The following PCDHA6 variants were observed in gnomAD, a reference collection of about 807,000 sequenced individuals.
PCDHA6 encodes protocadherin alpha-6.
In PCDHA6, 55 loss-of-function variants were observed where a neutral mutation model predicts 60.3. The observed-to-expected ratio is 0.91, with a 90% CI of 0.73 to 1.14. The LOEUF is 1.14. Among genes scored for constraint, PCDHA6 ranks in the 50% most tolerant of loss-of-function variants. The pLI is 0.00. For synonymous variants in PCDHA6, 652 were observed against 557.9 expected (o/e 1.17, Z -2.38); for missense variants, 1,327 against 1,256.5 (o/e 1.06, Z -0.85).
chr5:140,835,513 G>T (rs1773701294), intron 1 of PCDHA6: 1 of 1,613,936 alleles, frequency 6.2e-7, no homozygotes, highest in Non-Finnish European at 8.5e-7. Flanking sequence ...GTGTTTGACC[G>T]AGATTTTGGA....
At chr5:140,843,379 T>G in intron 1 of PCDHA6, 1 of 1,595,912 alleles carries the variant, frequency 6.3e-7, no homozygotes, top group Non-Finnish European at 8.6e-7. Flanking sequence ...CGGCTGGCGT[T>G]TTGGGTCCGG....
chr5:140,970,270 T>C (rs2096394574), intron 1 of PCDHA6, among the ~76,000 whole-genome samples: 1 of 152,234 alleles, frequency 6.6e-6, no homozygotes, highest in Non-Finnish European at 1.5e-5. Context: ...TTTGATGAGA[T>C]GTAAAGTAGC....
intron 1 of PCDHA6, among the ~76,000 whole-genome samples, chr5:140,910,512 G>A (rs2075055738): frequency 6.6e-6 from 1 of 152,144 alleles, no homozygotes; most frequent in Admixed American, 6.5e-5. Flanking sequence ...GCTCTTCAAG[G>A]ATGCAGGTAC....
At chr5:140,967,056 G>C in intron 1 of PCDHA6, 1 of 1,612,712 alleles carries the variant, frequency 6.2e-7, no homozygotes, top group Non-Finnish European at 8.5e-7. Flanking sequence ...CTGACGAGTG[G>C]AGCGCTCTTC....
chr5:140,835,745 G>C (rs2150243893), intron 1 of PCDHA6: 2 of 1,613,472 alleles, frequency 1.2e-6, no homozygotes, highest in South Asian at 2.2e-5. Context: ...ACGCCCCGGC[G>C]TTCGCGCAGC....
At chr5:140,928,008 T>C in intron 1 of PCDHA6, 1 of 1,614,158 alleles carries the variant, frequency 6.2e-7, no homozygotes, top group Non-Finnish European at 8.5e-7. Context: ...TCGATTCTAA[T>C]GGTAGGGTCA....
intron 1 of PCDHA6, among the ~76,000 whole-genome samples, chr5:140,978,737 G>A (rs2096820627): frequency 6.6e-6 from 1 of 152,180 alleles, no homozygotes; most frequent in Admixed American, 6.5e-5. Context: ...GGTCTTCCAG[G>A]GTATCTAATC....
chr5:140,931,259 CTATT>C (rs1407255574), intron 1 of PCDHA6, among the ~76,000 whole-genome samples: 2 of 152,080 alleles, frequency 1.3e-5, no homozygotes, highest in African/African-American at 4.8e-5. Flanking sequence ...AGAAATTTCA[CTATT>C]TATTTCTTTT....
intron 3 of PCDHA6, among the ~76,000 whole-genome samples, chr5:140,991,152 C>T (rs533894396): frequency 4.1e-4 from 63 of 152,168 alleles, no homozygotes; most frequent in South Asian, 1.0e-3. Flanking sequence ...TTTTGCTCAC[C>T]ATTGTATTCC....
intron 3 of PCDHA6, among the ~76,000 whole-genome samples, chr5:140,989,275 G>A (rs2097335515): frequency 6.6e-6 from 1 of 152,096 alleles, no homozygotes; most frequent in African/African-American, 2.4e-5. Context: ...TTTCTGCTGG[G>A]GACATCTCAG....
chr5:140,950,914 T>G (rs1198787949), intron 1 of PCDHA6, among the ~76,000 whole-genome samples: 1 of 152,044 alleles, frequency 6.6e-6, no homozygotes, highest in Non-Finnish European at 1.5e-5. Context: ...TTTATTTTAT[T>G]TCAGTTCTTT....
At chr5:140,957,548 T>C (rs1554223015) in intron 1 of PCDHA6, among the ~76,000 whole-genome samples, 1 of 152,154 alleles carries the variant, frequency 6.6e-6, no homozygotes, top group Non-Finnish European at 1.5e-5. Flanking sequence ...GAAAGTATTC[T>C]CTGTGGAAAA....
chr5:140,952,734 C>T (rs143946641), intron 1 of PCDHA6, among the ~76,000 whole-genome samples: 1 of 152,272 alleles, frequency 6.6e-6, no homozygotes, highest in East Asian at 1.9e-4. Flanking sequence ...CTAGTCTTTT[C>T]TCACACTGCT....
At position 140,901,836 on chromosome 5, in the gene PCDHA6, G is replaced by A. The variant is rs183480993; in HGVS notation, c.2394+71351G>A. On this transcript the variant is annotated intron_variant, in intron 1 of 3. Coordinates refer to ENST00000529310, the MANE Select transcript of PCDHA6 (RefSeq NM_018909.4). The stretch of plus-strand genomic sequence containing the variant: ...ATTGATTCTTCCAGTCCATAAACAT[G>A]CAATATCTTTCCATTTTTTTGTGTC... 2.6e-3 allele frequency among the ~76,000 whole-genome samples: 395 copies of A among 152,228 alleles called. 2 individuals carry two copies. The highest frequency in any genetic ancestry group is 9.2e-3 in the African/African-American group (384 of 41,554).
intron 1 of PCDHA6, among the ~76,000 whole-genome samples, chr5:140,916,511 C>G (rs2077595595): frequency 6.6e-6 from 1 of 152,132 alleles, no homozygotes; most frequent in African/African-American, 2.4e-5. Flanking sequence ...ATTAATCTTG[C>G]CAAGACTGGG....
intron 1 of PCDHA6, among the ~76,000 whole-genome samples, chr5:140,920,380 T>C (rs1386655132): frequency 2.0e-5 from 3 of 152,246 alleles, no homozygotes; most frequent in Non-Finnish European, 4.4e-5. Flanking sequence ...TGTGGATTCA[T>C]ATTACCATCT....
chr5:140,886,931 G>C (rs1426144437), intron 1 of PCDHA6, among the ~76,000 whole-genome samples: 1 of 151,756 alleles, frequency 6.6e-6, no homozygotes, highest in South Asian at 2.1e-4. Flanking sequence ...CTATGTGCCA[G>C]GCATGTTCTA....
rs199941722 is a variant in PCDHA6 at position 140,828,275 on chromosome 5, C to T, written c.184C>T (p.Arg62Cys). ...LGLELAELVP[R>C]LFRMASKDRE... Reference sequence around the variant, plus strand: ...GCTGGAGCTGGCGGAGCTGGTGCCGCGCCTGTTCAGGATGGCCTCCAAAGA... The same window carrying T: ...GCTGGAGCTGGCGGAGCTGGTGCCGTGCCTGTTCAGGATGGCCTCCAAAGA... Residue 62 changes from arginine (R) to cysteine (C), a missense_variant, in exon 1 of 4, where the codon CGC becomes TGC. Transcript: ENST00000529310. The T allele has an allele frequency of 3.1e-6, 5 of 1,614,064 alleles. No homozygotes were observed. The Admixed American group carries it at 6.7e-5, about 22-fold the overall frequency.
Position 140,883,309 on chromosome 5 carries a change from C to T in PCDHA6, c.2394+52824C>T, listed in dbSNP as rs782264263. The T allele has an allele frequency of 4.3e-6, 7 of 1,613,930 alleles. No individual in the cohort carries two copies. In the Admixed American group the frequency reaches 1.2e-4, roughly 27 times the overall value. ...AAGTACTAGATGTAAATGATAACGCCCCAGAGGTTACCATCACTTCTTTGT... is the reference window on the plus strand; with the variant it reads ...AAGTACTAGATGTAAATGATAACGCTCCAGAGGTTACCATCACTTCTTTGT... On this transcript the variant is annotated intron_variant, in intron 1 of 3. Transcript: ENST00000529310.
Sources: gnomAD v4.1 joint callset for allele counts (sites outside exome capture counted in the v4.1 genomes callset) on GRCh38, gnomAD v4.1.1 for gene constraint, MANE v1.5 for transcripts, NCBI Gene and HGNC (gene_info 2026-07-23, HGNC 2026-07-21) for gene names.